Variants in CCNH observed in about 807,000 individuals in gnomAD.
CCNH encodes the protein cyclin H.
In CCNH, 31 loss-of-function variants were observed where a neutral mutation model predicts 41.9. The ratio of observed to expected loss-of-function variants is 0.74; its 90% CI spans 0.56 to 1.00. The LOEUF (loss-of-function observed/expected upper bound fraction) is 1.00. Among genes scored for constraint, CCNH ranks in the 50% least tolerant of loss-of-function variants. CCNH has a pLI of 0.00. For missense variants in CCNH, 362 were observed against 388.4 expected, an observed-to-expected ratio of 0.93 and a Z score of 0.57; for synonymous variants, 138 against 136.1, an observed-to-expected ratio of 1.01 and a Z score of -0.10.
At chr5:87,412,306 G>A (rs1764315093) in intron 1 of CCNH, 2 of 601,670 alleles carry the variant, frequency 3.3e-6, no homozygotes, top group South Asian at 4.2e-5. Context: ...CACTCTGAAC[G>A]GTGGTTCTGA....
At chr5:87,344,459 AT>A (rs1348892087) in intron 9 of CCNH, among the ~76,000 whole-genome samples, 11 of 152,122 alleles carry the variant, frequency 7.2e-5, no homozygotes, top group Admixed American at 7.2e-4. Flanking sequence ...CCTAGCACTT[AT>A]CATCTGTAGT....
chr5:87,317,794 C>G (rs1308361636), downstream of CCNH, among the ~76,000 whole-genome samples: 1 of 152,036 alleles, frequency 6.6e-6, no homozygotes, highest in Non-Finnish European at 1.5e-5. Context: ...TACCACCACA[C>G]TCAGCTAATT....
At chr5:87,348,120 A>G (rs1288706785) in intron 9 of CCNH, among the ~76,000 whole-genome samples, 1 of 152,030 alleles carries the variant, frequency 6.6e-6, no homozygotes, top group Non-Finnish European at 1.5e-5. Flanking sequence ...TGTTGTATCA[A>G]CTTAGAAACA....
At chr5:87,381,456 T>A (rs974859156), upstream of CCNH, among the ~76,000 whole-genome samples, 1 of 152,238 alleles carries the variant, frequency 6.6e-6, no homozygotes, top group Non-Finnish European at 1.5e-5. Context: ...TTATTTAGAA[T>A]ATACACTGTC....
chr5:87,354,973 T>C (rs951634991), intron 9 of CCNH, among the ~76,000 whole-genome samples: 8 of 152,112 alleles, frequency 5.3e-5, no homozygotes, highest in Admixed American at 2.0e-4. Flanking sequence ...TGAAGGCTGA[T>C]AGAGGTGAGG....
chr5:87,370,751 C>T (rs937151241), intron 9 of CCNH, among the ~76,000 whole-genome samples: 1 of 152,098 alleles, frequency 6.6e-6, no homozygotes, highest in African/African-American at 2.4e-5. Flanking sequence ...TGCTTATATT[C>T]TAACGAAGGA....
At chr5:87,387,298 A>G (rs1203784040), downstream of CCNH, among the ~76,000 whole-genome samples, 1 of 152,172 alleles carries the variant, frequency 6.6e-6, no homozygotes, top group East Asian at 1.9e-4. Context: ...CAGGTTAAAT[A>G]AGTAGACTGA....
At chr5:87,363,619 C>T (rs1025898664) in intron 9 of CCNH, 1 of 1,198,578 alleles carries the variant, frequency 8.3e-7, no homozygotes, top group South Asian at 1.3e-5. Context: ...AGCAGATGCA[C>T]TTTCTAGGTA....
intron 9 of CCNH, chr5:87,333,363 T>C (rs753346644): frequency 3.7e-6 from 6 of 1,610,142 alleles, no homozygotes; most frequent in Admixed American, 1.7e-5. Flanking sequence ...TTCTCATGTA[T>C]AGGCATTTGA....
rs1007108885 is a variant in CCNH, at chr5:87,371,185, A to C, written c.*90+21585T>G. ...GCAAGCCTAACATAGAACATTTTTT[A>C]ATGTATTTATACATAATATTTCTGT... On this transcript the variant is annotated intron_variant and NMD_transcript_variant, in intron 9 of 9. Coordinates refer to the CCNH transcript ENST00000645953. 2.6e-5 allele frequency among the ~76,000 whole-genome samples: 4 copies of C among 152,108 alleles called. 1 individual carries two copies. The highest frequency in any genetic ancestry group is 5.9e-5 in the Non-Finnish European group (4 of 67,996).
chr5:87,377,278 T>C (rs1433804605), upstream of CCNH: 1 of 527,706 alleles, frequency 1.9e-6, no homozygotes, highest in Non-Finnish European at 3.4e-6. Flanking sequence ...CACAAGAAGG[T>C]GGTATCTGTG....
At chr5:87,348,005 TC>T (rs915538973) in intron 9 of CCNH, among the ~76,000 whole-genome samples, 1 of 152,036 alleles carries the variant, frequency 6.6e-6, no homozygotes, top group Non-Finnish European at 1.5e-5. Context: ...GGATTTTCTC[TC>T]CTGAGAAGTA....
intron 9 of CCNH, chr5:87,353,086 GT>G: frequency 8.0e-7 from 1 of 1,244,222 alleles, no homozygotes; most frequent in East Asian, 2.4e-5. Flanking sequence ...TGGCAAGAAA[GT>G]TTACACATAT....
chr5:87,374,923 T>G (rs1459156769), downstream of CCNH: 5 of 1,602,730 alleles, frequency 3.1e-6, no homozygotes, highest in East Asian at 1.1e-4. Context: ...ATCTGTAAGT[T>G]GATACAGAAA....
intron 9 of CCNH, among the ~76,000 whole-genome samples, chr5:87,350,671 T>C (rs1759195681): frequency 2.0e-5 from 3 of 151,474 alleles, no homozygotes; most frequent in African/African-American, 7.3e-5. Flanking sequence ...GTATTTTAAG[T>C]AGATTTCTGT....
rs12109912 is a variant in CCNH at position 87,383,649 on chromosome 5, T to C, written c.*90+9121A>G. 0.013 allele frequency: 16,257 copies of C among 1,250,540 alleles called. 249 individuals are homozygous for C. The highest frequency in any genetic ancestry group is 0.057 in the African/African-American group (3,706 of 65,146). 77.5% of individuals were successfully genotyped at this position (1,250,540 alleles called of 1,614,324 possible). A position where few individuals can be genotyped will look rare whatever the true frequency, so the allele number is the denominator to read the frequency against. ...AAAAATTCTGTTTATATATATTGTT[T>C]TAATGTAACACATTATATAGGTGTT... On this transcript the variant is annotated intron_variant and NMD_transcript_variant, in intron 9 of 9. Transcript: ENST00000645953.
intron 1 of CCNH, among the ~76,000 whole-genome samples, chr5:87,411,978 T>G (rs569497557): frequency 6.6e-6 from 1 of 152,302 alleles, no homozygotes; most frequent in South Asian, 2.1e-4. Flanking sequence ...CAGAAGGAAC[T>G]TGGCTAGCGG....
rs1291728889 is a variant in CCNH at position 87,411,298 on chromosome 5, G to A, written c.166C>T (p.Leu56Phe). The change falls in exon 2 of 9, where the codon CTC (leucine) becomes TTC (phenylalanine). Residue 56 changes from leucine (L) to phenylalanine (F), a missense_variant. By Grantham distance (22) the Leu-to-Phe change is conservative. Transcript: ENST00000256897. ...AACCTTTTCTCATAGTATTTGCAGA[G>A]TGTCATTTCTTCATGAGGCTCAAGA... ...VFLEPHEEMT[L>F]CKYYEKRLLE... The A allele has an allele frequency of 1.9e-6, 3 of 1,612,100 alleles. No individual in the cohort carries two copies. The highest frequency in any genetic ancestry group is 2.5e-6 in the Non-Finnish European group (3 of 1,179,184).
At chr5:87,405,964 A>G (rs1763759085) in intron 4 of CCNH, among the ~76,000 whole-genome samples, 1 of 152,152 alleles carries the variant, frequency 6.6e-6, no homozygotes, top group African/African-American at 2.4e-5. Context: ...TGACCTCAGC[A>G]AGGCTCTTAA....
Sources: allele counts gnomAD v4.1 joint callset (sites outside exome capture counted in the v4.1 genomes callset), GRCh38; gene constraint gnomAD v4.1.1; transcripts MANE v1.5; gene names NCBI Gene and HGNC (gene_info 2026-07-23, HGNC 2026-07-21).